Variants in ADGRB1 observed in about 807,000 individuals in gnomAD.
ADGRB1 encodes brain-specific angiogenesis inhibitor 1.
ADGRB1 carries 36 observed loss-of-function variants against 175.7 expected under a neutral mutation model. That is an observed-to-expected ratio of 0.20 (90% CI 0.16 to 0.27). The LOEUF (loss-of-function observed/expected upper bound fraction) is 0.27. Among genes scored for constraint, ADGRB1 ranks in the 10% least tolerant of loss-of-function variants. ADGRB1 has a pLI of 1.00. For missense variants in ADGRB1, 1,731 were observed against 2,255.3 expected (o/e 0.77, Z 4.71); for synonymous variants, 1,054 against 979.4 (o/e 1.08, Z -1.42).
rs558915343 is a variant in ADGRB1, at chr8:142,509,555, C to A, written c.2676-1377C>A. ...CTCCTAGCCTCAGCCCCCGTTGGTA[C>A]AGTGGGGACCGGATGGAAGAGGTGA... On this transcript the variant is annotated intron_variant, in intron 17 of 30. Transcript: ENST00000517894. 1.9e-4 allele frequency among the ~76,000 whole-genome samples: 29 copies of A among 152,300 alleles called. No individual in the cohort carries two copies. The South Asian group carries it at 6.0e-3, about 32-fold the overall frequency.
At chr8:142,539,293 C>T in intron 26 of ADGRB1, 81 bp from the exon 27 acceptor site, 1 of 1,437,042 alleles carries the variant, frequency 7.0e-7, no homozygotes, top group Non-Finnish European at 9.5e-7. Context: ...GCACCGTGGC[C>T]CTCCCGAGCG....
Position 142,515,543 on chromosome 8 carries a change from G to A in ADGRB1, c.2818-2595G>A, listed in dbSNP as rs547354552. 2.4e-4 allele frequency among the ~76,000 whole-genome samples: 36 copies of A among 152,348 alleles called. 2 individuals carry two copies. The South Asian group carries it at 5.8e-3, about 25-fold the overall frequency. The stretch of plus-strand genomic sequence containing the variant: ...TGGGCCTGAGCCAGCCTCAGAGCAG[G>A]CGCGAGACGCTTACTCGGCCGCCTG... On this transcript the variant is annotated intron_variant, in intron 18 of 30. Transcript: ENST00000517894.
intron 17 of ADGRB1, 27 bp downstream of exon 17, chr8:142,490,842 TG>T: frequency 1.3e-6 from 2 of 1,563,934 alleles, no homozygotes; most frequent in South Asian, 1.2e-5. Context: ...TTCATGGCCG[TG>T]GGGGTCTGGG....
chr8:142,503,550 G>A (rs1842725068), intron 17 of ADGRB1, among the ~76,000 whole-genome samples: 1 of 152,134 alleles, frequency 6.6e-6, no homozygotes, highest in African/African-American at 2.4e-5. Context: ...GGCTGCAGGT[G>A]CAGCAGGTGC....
chr8:142,479,762 T>C lies in ADGRB1; in HGVS notation c.1796T>C (p.Val599Ala). 1 of 1,613,278 alleles carries C rather than the reference T, an allele frequency of 6.2e-7. No homozygotes were observed. Among genetic ancestry groups the C allele is most frequent in the Non-Finnish European group, 8.5e-7 (1 of 1,179,566 alleles). ...TGGAAGGAGACCCCAGCGGGAGAGGTGGCTGCTGTCCGGTGTCCCCGCAAC... is the reference window on the plus strand; with the variant it reads ...TGGAAGGAGACCCCAGCGGGAGAGGCGGCTGCTGTCCGGTGTCCCCGCAAC... The part of the protein sequence containing the change: ...VIWKETPAGE[V>A]AAVRCPRNAT... The change falls in exon 9 of 31, where the codon GTG (valine) becomes GCG (alanine). Residue 599 changes from valine to alanine, a missense_variant. Around this residue, in one of 8 missense-constraint regions of ADGRB1, gnomAD observed 388 missense variants for 630.9 expected, o/e 0.61. Transcript: ENST00000517894.
At position 142,518,294 on chromosome 8, in the gene ADGRB1, G is replaced by A. The variant is rs960393268; in HGVS notation, c.2921+53G>A. 5.0e-5 allele frequency: 78 copies of A among 1,569,890 alleles called. No homozygotes were observed. The African/African-American group carries it at 8.9e-4, about 18-fold the overall frequency. On this transcript the variant is annotated intron_variant, in intron 19 of 30. Coordinates refer to ENST00000517894, the MANE Select transcript of ADGRB1 (RefSeq NM_001702.3). ...CATGTCTGTGGCTCCTGCATCACACGCCTCTTCCCTTGAAGGTCACGGGCG... is the reference window on the plus strand; with the variant it reads ...CATGTCTGTGGCTCCTGCATCACACACCTCTTCCCTTGAAGGTCACGGGCG...
intron 27 of ADGRB1, among the ~76,000 whole-genome samples, chr8:142,541,357 G>A (rs1406480929): frequency 2.0e-5 from 3 of 152,096 alleles, no homozygotes; most frequent in Admixed American, 2.0e-4. Flanking sequence ...GAGGTGTCTG[G>A]GTATGGAGAC....
At chr8:142,544,090 TC>T in intron 30 of ADGRB1, 129 bp from the exon 31 acceptor site, 1 of 947,266 alleles carries the variant, frequency 1.1e-6, no homozygotes, top group Non-Finnish European at 1.6e-6. Flanking sequence ...CCTCATCCTG[TC>T]CCCTGTCCCC....
In ADGRB1 at chr8:142,544,439, A is replaced by G; in HGVS notation, c.*22A>G. 2 of 1,454,584 alleles carry G rather than the reference A, an allele frequency of 1.4e-6. No individual in the cohort carries two copies. Among genetic ancestry groups the G allele is most frequent in the South Asian group, 1.4e-5 (1 of 70,280 alleles). The allele number at this position is 1,454,584 out of a possible 1,614,324, so 90.1% of individuals were successfully genotyped here. On this transcript the variant is annotated 3_prime_UTR_variant, in exon 31 of 31. Coordinates refer to ENST00000517894, the MANE Select transcript of ADGRB1 (RefSeq NM_001702.3). ...CTGAGCGGGTGGGCGGCGGCCACGCACTGGGCCACGGAGGAGGGATGCTGC... is the reference window on the plus strand; with the variant it reads ...CTGAGCGGGTGGGCGGCGGCCACGCGCTGGGCCACGGAGGAGGGATGCTGC...
chr8:142,526,418 G>A (rs974759302), intron 23 of ADGRB1, 124 bp from the exon 24 acceptor site: 10 of 841,896 alleles, frequency 1.2e-5, no homozygotes, highest in Admixed American at 2.0e-5. Context: ...ATGGAGGCAC[G>A]GGAGGTGACC....
intron 27 of ADGRB1, among the ~76,000 whole-genome samples, chr8:142,541,590 G>C (rs573671732): frequency 2.0e-5 from 3 of 152,342 alleles, no homozygotes; most frequent in Non-Finnish European, 2.9e-5. Flanking sequence ...AGACCGTTCT[G>C]CCTGTGTCCC....
At position 142,542,774 on chromosome 8, in the gene ADGRB1, C is replaced by A. The variant is rs980687969; in HGVS notation, c.4413+127C>A. 1.2e-6 allele frequency: 1 copy of A among 849,716 alleles called. No individual in the cohort carries two copies. Among genetic ancestry groups the A allele is most frequent in the Non-Finnish European group, 1.7e-6 (1 of 575,618 alleles). 52.6% of individuals were successfully genotyped at this position (849,716 alleles called of 1,614,324 possible). Reference sequence around the variant, plus strand: ...GGCTGGCTCTGCCTCCTAGCTACACCCCCCACCCCTGGCCCTGCTGGGTGT... The same window carrying A: ...GGCTGGCTCTGCCTCCTAGCTACACACCCCACCCCTGGCCCTGCTGGGTGT... On this transcript the variant is annotated intron_variant, in intron 28 of 30. Coordinates refer to ENST00000517894, the MANE Select transcript of ADGRB1 (RefSeq NM_001702.3). The surrounding 1 kb of genome is among the most constrained non-coding windows in gnomAD (Gnocchi z 6.3).
Position 142,475,464 on chromosome 8 carries a change from T to G in ADGRB1, c.785-10T>G. ...CCTGCCCTGATCCCCGCCCTCTGGT[T>G]TCCCCCCAGGCGGCTGGAAGCTGTG... is the stretch of plus-strand genomic sequence containing the variant. On this transcript the variant is annotated splice_polypyrimidine_tract_variant and intron_variant, in intron 2 of 30. Transcript: ENST00000517894. 1 of 1,290,420 alleles carries G rather than the reference T, an allele frequency of 7.7e-7. No individual in the cohort carries two copies. Among genetic ancestry groups the G allele is most frequent in the Non-Finnish European group, 9.8e-7 (1 of 1,018,132 alleles). The allele number at this position is 1,290,420 out of a possible 1,614,324, so 79.9% of individuals were successfully genotyped here. A position where few individuals can be genotyped will look rare whatever the true frequency, so the allele number is the denominator to read the frequency against.
intron 17 of ADGRB1, among the ~76,000 whole-genome samples, chr8:142,506,706 C>T (rs916484521): frequency 2.0e-5 from 3 of 152,196 alleles, no homozygotes; most frequent in African/African-American, 4.8e-5. Context: ...GGATCTGGTA[C>T]AAGAGGATGC....
At chr8:142,487,526 C>T (rs775855933) in intron 13 of ADGRB1, among the ~76,000 whole-genome samples, 2 of 152,170 alleles carry the variant, frequency 1.3e-5, no homozygotes, top group Admixed American at 1.3e-4. Context: ...ATGCGCATGC[C>T]CTCTCCTCCT....
intron 24 of ADGRB1, among the ~76,000 whole-genome samples, chr8:142,532,204 G>A (rs1440336972): frequency 2.0e-5 from 3 of 152,192 alleles, no homozygotes; most frequent in South Asian, 2.1e-4. Context: ...ACAGTCCTGC[G>A]GGCTGTGGGG....
chr8:142,484,892 C>T (rs1422837760), intron 13 of ADGRB1, 128 bp downstream of exon 13: 19 of 708,546 alleles, frequency 2.7e-5, no homozygotes, highest in East Asian at 5.6e-5. Flanking sequence ...CCCTCCCAGC[C>T]GATTTCTCAG....
intron 13 of ADGRB1, among the ~76,000 whole-genome samples, chr8:142,487,389 C>T (rs969480101): frequency 6.6e-6 from 1 of 152,178 alleles, no homozygotes; most frequent in Non-Finnish European, 1.5e-5. Context: ...TCCCTCCTGC[C>T]CCTCCGCTCA....
chr8:142,451,512 G>A (rs1839347646), intron 1 of ADGRB1, among the ~76,000 whole-genome samples: 2 of 152,090 alleles, frequency 1.3e-5, no homozygotes, highest in African/African-American at 4.8e-5. Flanking sequence ...TTGAAAGGCA[G>A]GAAGGCGTGT....
Sources: allele counts gnomAD v4.1 joint callset (sites outside exome capture counted in the v4.1 genomes callset), GRCh38; gene constraint gnomAD v4.1.1; regional missense constraint gnomAD v4.1.1; non-coding constraint Gnocchi (gnomAD v3.1); transcripts MANE v1.5; gene names NCBI Gene and HGNC (gene_info 2026-07-23, HGNC 2026-07-21).